Variants in ZNG1E observed in about 807,000 individuals in gnomAD.
ZNG1E encodes Zn regulated GTPase metalloprotein activator 1E, also known as zinc-regulated GTPase metalloprotein activator 1E.
At chr9:65,657,130 T>G in the ZNG1E span, among the ~76,000 whole-genome samples, 5 of 152,056 alleles carry the variant, frequency 3.3e-5, no homozygotes, top group African/African-American at 1.2e-4. Context: ...CCACAGAGCG[T>G]AGTACAGCCA....
At chr9:65,680,346 A>G in the ZNG1E span, among the ~76,000 whole-genome samples, 4 of 152,254 alleles carry the variant, frequency 2.6e-5, no homozygotes, top group Admixed American at 6.5e-5. Context: ...TTTTTAGGCA[A>G]AAATCCTGAG....
At chr9:65,675,685 A>G in the ZNG1E span, 1 of 580,522 alleles carries the variant, frequency 1.7e-6, no homozygotes, top group Non-Finnish European at 3.0e-6. Flanking sequence ...ACCTTCAGAC[A>G]GGTGGTTAGT....
At chr9:65,659,494 CA>C in the ZNG1E span, among the ~76,000 whole-genome samples, 11,566 of 113,254 alleles carry the variant, frequency 0.1, 47 homozygotes, top group South Asian at 0.15. Context: ...GACTCCGTCT[CA>C]AAAAAAAAAA....
At chr9:65,733,492 AT>A in the ZNG1E span, 1 of 1,164,226 alleles carries the variant, frequency 8.6e-7, no homozygotes, top group Non-Finnish European at 1.3e-6. Context: ...ATCACGTCAT[AT>A]TTTGTTTTGT....
At chr9:65,671,381 C>T in the ZNG1E span, among the ~76,000 whole-genome samples, 2 of 152,086 alleles carry the variant, frequency 1.3e-5, no homozygotes, top group African/African-American at 2.4e-5. Flanking sequence ...AGTGCAGTGG[C>T]ACAATCTTGG....
At chr9:65,659,100 G>A in the ZNG1E span, among the ~76,000 whole-genome samples, 2 of 152,240 alleles carry the variant, frequency 1.3e-5, no homozygotes, top group African/African-American at 2.4e-5. Context: ...GTGCTCAGAA[G>A]ACAGGAAGTA....
the ZNG1E span, among the ~76,000 whole-genome samples, chr9:65,691,543 C>T: frequency 6.6e-6 from 1 of 152,244 alleles, no homozygotes; most frequent in Non-Finnish European, 1.5e-5. Flanking sequence ...AACTCGATGT[C>T]ACTCAACTTC....
chr9:65,687,715 T>G, the ZNG1E span, among the ~76,000 whole-genome samples: 3 of 151,150 alleles, frequency 2.0e-5, no homozygotes, highest in South Asian at 6.3e-4. Flanking sequence ...TAGAACTTTG[T>G]GGTCACTGTT....
At chr9:65,709,626 GTT>G in the ZNG1E span, among the ~76,000 whole-genome samples, 13 of 135,886 alleles carry the variant, frequency 9.6e-5, no homozygotes, top group Admixed American at 1.5e-4. Flanking sequence ...TCTTGCGATA[GTT>G]TACTGAGAAT....
chr9:65,663,412 T>C, the ZNG1E span, among the ~76,000 whole-genome samples: 7,316 of 143,422 alleles, frequency 0.051, no homozygotes, highest in Admixed American at 0.065. Flanking sequence ...TCTTATAGTA[T>C]AGGTTCTGTT....
At chr9:65,655,985 A>G in the ZNG1E span, among the ~76,000 whole-genome samples, 1 of 136,606 alleles carries the variant, frequency 7.3e-6, no homozygotes, top group African/African-American at 2.7e-5. Context: ...AGTTAAAGTT[A>G]TTAGCAGTTA....
At chr9:65,727,671 T>C in the ZNG1E span, among the ~76,000 whole-genome samples, 1 of 119,034 alleles carries the variant, frequency 8.4e-6, no homozygotes. Context: ...CATTATATAA[T>C]GAAAAAAAGG....
the ZNG1E span, chr9:65,733,787 ATT>A: frequency 1.6e-6 from 1 of 608,922 alleles, no homozygotes; most frequent in Middle Eastern, 4.4e-4. Context: ...AACATTTAAC[ATT>A]CATACAATTA....
At chr9:65,685,043 TA>T in the ZNG1E span, among the ~76,000 whole-genome samples, 251 of 107,684 alleles carry the variant, frequency 2.3e-3, no homozygotes, top group African/African-American at 5.1e-3. Flanking sequence ...CCCCATTTCT[TA>T]AAAAAAAAAA....
the ZNG1E span, among the ~76,000 whole-genome samples, chr9:65,680,131 TAGG>T: frequency 5.3e-5 from 8 of 150,838 alleles, no homozygotes; most frequent in African/African-American, 1.2e-4. Flanking sequence ...GTTATCTTTA[TAGG>T]AGTTTTTCTT....
the ZNG1E span, among the ~76,000 whole-genome samples, chr9:65,664,735 A>G: frequency 6.6e-6 from 1 of 152,142 alleles, no homozygotes; most frequent in Non-Finnish European, 1.5e-5. Flanking sequence ...AATATGTGGG[A>G]AAGTTTGGAG....
At chr9:65,658,341 A>G in the ZNG1E span, among the ~76,000 whole-genome samples, 7 of 151,906 alleles carry the variant, frequency 4.6e-5, no homozygotes, top group Non-Finnish European at 7.4e-5. Flanking sequence ...TAAAAAATTC[A>G]GAGAAAGTTT....
chr9:65,727,345 A>G, the ZNG1E span, among the ~76,000 whole-genome samples: 1 of 148,024 alleles, frequency 6.8e-6, no homozygotes, highest in African/African-American at 2.6e-5. Flanking sequence ...AAAACCAAAA[A>G]AAACAAGGTA....
chr9:65,679,178 C>G, the ZNG1E span: 1 of 559,500 alleles, frequency 1.8e-6, no homozygotes, highest in South Asian at 3.0e-5. Context: ...GCTGGGAAGA[C>G]AACACTTCTG....
Sources: allele counts gnomAD v4.1 joint callset (sites outside exome capture counted in the v4.1 genomes callset), GRCh38; gene constraint gnomAD v4.1.1; transcripts MANE v1.5; gene names NCBI Gene and HGNC (gene_info 2026-07-23, HGNC 2026-07-21).